THRB: variants seen among roughly 807,000 people sequenced by gnomAD.
THRB encodes the protein thyroid hormone receptor beta, also known as nuclear receptor subfamily 1 group A member 2.
A neutral mutation model predicts 47.8 loss-of-function variants in THRB; 12 were observed. The observed-to-expected ratio is 0.25, with a 90% CI of 0.16 to 0.41. The LOEUF (loss-of-function observed/expected upper bound fraction) is 0.41. Among genes scored for constraint, THRB ranks in the 10% least tolerant of loss-of-function variants. The pLI, the probability that THRB is intolerant of heterozygous loss-of-function variation, is 1.00. For synonymous variants in THRB, 218 were observed against 212.2 expected (o/e 1.03, Z -0.24); for missense variants, 348 against 589.2 (o/e 0.59, Z 4.24).
At chr3:24,245,276 C>T (rs1031564501) in intron 3 of THRB, among the ~76,000 whole-genome samples, 5 of 152,100 alleles carry the variant, frequency 3.3e-5, no homozygotes, top group African/African-American at 1.2e-4. Flanking sequence ...AAGAGTTAGA[C>T]TGCCAACCAC....
rs1371921847 is a variant in THRB, at chr3:24,190,067, T to C, written c.283+7A>G. On this transcript the variant is annotated splice_region_variant and intron_variant, in intron 5 of 10. Coordinates refer to ENST00000646209, the MANE Select transcript of THRB (RefSeq NM_001354712.2). ...ACATGATAATGGGCTAATAAAAATC[T>C]GGTTACCTTTACATTTCTTCTCCTC... The C allele has an allele frequency of 6.2e-7, 1 of 1,613,842 alleles. No homozygotes were observed.
chr3:24,492,202 G>C (rs527856942), intron 1 of THRB, among the ~76,000 whole-genome samples: 2 of 152,206 alleles, frequency 1.3e-5, no homozygotes, highest in African/African-American at 4.8e-5. Context: ...TGTGTGCCAA[G>C]TATTGTTCTA....
chr3:24,129,495 T>C (rs1232487253), intron 9 of THRB, among the ~76,000 whole-genome samples: 2 of 152,248 alleles, frequency 1.3e-5, no homozygotes, highest in Non-Finnish European at 2.9e-5. Context: ...TTTCCAAATT[T>C]CTAGTTTAAA....
At chr3:24,471,338 C>T (rs564329803) in intron 1 of THRB, among the ~76,000 whole-genome samples, 39 of 152,252 alleles carry the variant, frequency 2.6e-4, no homozygotes, top group African/African-American at 8.9e-4. Flanking sequence ...ATTATAACGC[C>T]GCTCAAGTTT....
intron 1 of THRB, 98 bp downstream of exon 1, chr3:24,494,554 G>A (rs1265869412): frequency 6.6e-6 from 1 of 151,678 alleles, no homozygotes; most frequent in African/African-American, 2.4e-5. Context: ...GCGCGCGCTC[G>A]GCTTAGCCGC....
At chr3:24,352,070 A>G (rs1414723484) in intron 1 of THRB, among the ~76,000 whole-genome samples, 2 of 152,142 alleles carry the variant, frequency 1.3e-5, no homozygotes, top group African/African-American at 4.8e-5. Flanking sequence ...AGTTTCCTTT[A>G]TCTCTCTTTT....
At chr3:24,204,050 C>A (rs1353288140) in intron 4 of THRB, among the ~76,000 whole-genome samples, 1 of 152,276 alleles carries the variant, frequency 6.6e-6, no homozygotes, top group Non-Finnish European at 1.5e-5. Context: ...TCAAGGAGGC[C>A]TGCCTGCCTC....
intron 2 of THRB, among the ~76,000 whole-genome samples, chr3:24,336,296 G>T (rs553801481): frequency 6.6e-6 from 1 of 152,176 alleles, no homozygotes; most frequent in East Asian, 1.9e-4. Flanking sequence ...CAACCCAGGC[G>T]CCTCGACAAT....
At chr3:24,239,286 G>A (rs7613985) in intron 3 of THRB, among the ~76,000 whole-genome samples, 2,366 of 152,052 alleles carry the variant, frequency 0.016, 63 homozygotes, top group African/African-American at 0.053. Context: ...AGGTTCTGTT[G>A]GCTCTTTATC....
At chr3:24,309,304 T>A (rs1165744504) in intron 2 of THRB, among the ~76,000 whole-genome samples, 1 of 152,208 alleles carries the variant, frequency 6.6e-6, no homozygotes, top group Admixed American at 6.5e-5. Context: ...ACAACACGCT[T>A]AAGAAGTGTT....
intron 1 of THRB, among the ~76,000 whole-genome samples, chr3:24,388,853 C>T (rs2066334400): frequency 1.3e-5 from 2 of 152,112 alleles, no homozygotes; most frequent in Non-Finnish European, 2.9e-5. Flanking sequence ...TCTGACTTTT[C>T]CCACAAAATG....
rs77880956 is a variant in THRB at position 24,453,604 on chromosome 3, C to T, written c.-261+41048G>A. 7.1e-3 allele frequency among the ~76,000 whole-genome samples: 1,081 copies of T among 152,298 alleles called. 11 individuals are homozygous for T. The highest frequency in any genetic ancestry group is 0.025 in the African/African-American group (1,022 of 41,562). On this transcript the variant is annotated intron_variant, in intron 1 of 10. Transcript: ENST00000646209. ...TTTTCACACATCAATCTTCATGAAA[C>T]AGCTAGCAGGATCATCTTAAAGTTT...
chr3:24,412,563 A>G (rs2068397706), intron 1 of THRB, among the ~76,000 whole-genome samples: 1 of 151,864 alleles, frequency 6.6e-6, no homozygotes, highest in African/African-American at 2.4e-5. Flanking sequence ...AGAAAATTAA[A>G]TGCACTGGCT....
At chr3:24,256,855 G>A (rs915848817) in intron 3 of THRB, among the ~76,000 whole-genome samples, 1 of 152,224 alleles carries the variant, frequency 6.6e-6, no homozygotes, top group African/African-American at 2.4e-5. Context: ...TACAGAAAGT[G>A]GAAGAGTATG....
intron 3 of THRB, among the ~76,000 whole-genome samples, chr3:24,252,226 A>C (rs2050737847): frequency 6.6e-6 from 1 of 152,136 alleles, no homozygotes; most frequent in Admixed American, 6.5e-5. Context: ...AGCCCATCAG[A>C]TATGAAAGCA....
upstream of THRB, chr3:24,495,197 C>T (rs2126006207): frequency 6.5e-6 from 1 of 152,996 alleles, no homozygotes; most frequent in East Asian, 1.9e-4. Context: ...CCCCTCCAGC[C>T]CTCACGGCTG....
At chr3:24,270,226 G>T (rs78842004) in intron 3 of THRB, among the ~76,000 whole-genome samples, 1,548 of 152,296 alleles carry the variant, frequency 0.01, 24 homozygotes, top group African/African-American at 0.035. Context: ...GCCATTAAAG[G>T]CATGCCTGAT....
At chr3:24,301,774 A>G (rs1576670440) in intron 2 of THRB, among the ~76,000 whole-genome samples, 1 of 152,224 alleles carries the variant, frequency 6.6e-6, no homozygotes, top group Non-Finnish European at 1.5e-5. Flanking sequence ...AGATGTGATT[A>G]AGGGTACAGA....
intron 5 of THRB, among the ~76,000 whole-genome samples, chr3:24,169,678 A>AT (rs1238062668): frequency 6.8e-6 from 1 of 147,848 alleles, no homozygotes; most frequent in Non-Finnish European, 1.5e-5. Flanking sequence ...TAATTATAAT[A>AT]ATATATATTA....
Sources: allele counts gnomAD v4.1 joint callset (sites outside exome capture counted in the v4.1 genomes callset), GRCh38; gene constraint gnomAD v4.1.1; transcripts MANE v1.5; gene names NCBI Gene and HGNC (gene_info 2026-07-23, HGNC 2026-07-21).